The following LRRTM4 variants were observed in gnomAD, a reference collection of about 807,000 sequenced individuals.
LRRTM4 encodes leucine rich repeat transmembrane neuronal 4.
A neutral mutation model predicts 47.6 loss-of-function variants in LRRTM4; 25 were observed. The observed-to-expected ratio is 0.53, with a 90% CI of 0.38 to 0.73. The LOEUF is 0.73. LRRTM4 is among the 30% of genes least tolerant of loss of function. The pLI, the probability that LRRTM4 is intolerant of heterozygous loss-of-function variation, is 0.00. For synonymous variants in LRRTM4, 311 were observed against 269.5 expected, an observed-to-expected ratio of 1.15 and a Z score of -1.51; for missense variants, 638 against 713.4, an observed-to-expected ratio of 0.89 and a Z score of 1.20.
At chr2:77,444,944 C>T (rs1675990666) in intron 3 of LRRTM4, among the ~76,000 whole-genome samples, 1 of 118,094 alleles carries the variant, frequency 8.5e-6, no homozygotes, top group Non-Finnish European at 1.8e-5. Flanking sequence ...CACACACACA[C>T]ACACATACAC....
intron 3 of LRRTM4, among the ~76,000 whole-genome samples, chr2:77,259,741 TAGTG>T (rs1675867300): frequency 6.6e-6 from 1 of 151,934 alleles, no homozygotes; most frequent in African/African-American, 2.4e-5. Context: ...TGAGCTAAGA[TAGTG>T]AGCATGATTC....
At chr2:77,241,205 T>TACAC (rs10555648) in intron 3 of LRRTM4, among the ~76,000 whole-genome samples, 264 of 119,806 alleles carry the variant, frequency 2.2e-3, no homozygotes, top group East Asian at 4.9e-3. Context: ...GAATTGGAAA[T>TACAC]ACACACACAC....
chr2:77,234,374 A>G (rs1202383896), intron 3 of LRRTM4, among the ~76,000 whole-genome samples: 1 of 152,182 alleles, frequency 6.6e-6, no homozygotes. Flanking sequence ...AGCTCACAAA[A>G]TGGAATCACT....
intron 3 of LRRTM4, among the ~76,000 whole-genome samples, chr2:76,849,391 T>C (rs1207802207): frequency 6.6e-6 from 1 of 152,110 alleles, no homozygotes; most frequent in East Asian, 1.9e-4. Context: ...AACATCTTTG[T>C]GCAAATGAAC....
chr2:76,909,779 A>G (rs1483035890), intron 3 of LRRTM4, among the ~76,000 whole-genome samples: 2 of 152,232 alleles, frequency 1.3e-5, no homozygotes, highest in Non-Finnish European at 1.5e-5. Flanking sequence ...AGAAATGCAA[A>G]TCAAAACCAC....
At chr2:77,473,459 C>T (rs920128547) in intron 3 of LRRTM4, among the ~76,000 whole-genome samples, 2 of 152,038 alleles carry the variant, frequency 1.3e-5, no homozygotes, top group Non-Finnish European at 2.9e-5. Flanking sequence ...TGATTTTATG[C>T]ACAGTGCTCA....
chr2:76,754,624 G>A (rs117397290), intron 3 of LRRTM4, among the ~76,000 whole-genome samples: 17 of 152,246 alleles, frequency 1.1e-4, no homozygotes, highest in Middle Eastern at 3.4e-3. Flanking sequence ...CAAGTTTTAC[G>A]TATTCCACTT....
intron 3 of LRRTM4, among the ~76,000 whole-genome samples, chr2:76,850,443 T>G (rs955283171): frequency 1.3e-5 from 2 of 152,196 alleles, no homozygotes; most frequent in Admixed American, 6.6e-5. Flanking sequence ...TTCAGTGATG[T>G]TGAACAAAGA....
intron 3 of LRRTM4, among the ~76,000 whole-genome samples, chr2:77,118,911 A>G (rs1259053010): frequency 6.6e-6 from 1 of 151,872 alleles, no homozygotes; most frequent in Non-Finnish European, 1.5e-5. Flanking sequence ...AAAGGGAGCA[A>G]TTAATAATTA....
intron 3 of LRRTM4, among the ~76,000 whole-genome samples, chr2:77,142,510 T>C (rs1470407665): frequency 1.3e-5 from 2 of 152,062 alleles, no homozygotes; most frequent in East Asian, 1.9e-4. Context: ...TGATTCGATG[T>C]ATATAAGATG....
At chr2:77,263,393 T>C (rs1675969606) in intron 3 of LRRTM4, among the ~76,000 whole-genome samples, 1 of 152,138 alleles carries the variant, frequency 6.6e-6, no homozygotes, top group South Asian at 2.1e-4. Context: ...TAGGGACCTC[T>C]GATTGGTAAC....
At chr2:76,957,946 ATATT>A (rs1203889042) in intron 3 of LRRTM4, among the ~76,000 whole-genome samples, 1 of 151,428 alleles carries the variant, frequency 6.6e-6, no homozygotes, top group Non-Finnish European at 1.5e-5. Flanking sequence ...GTGTGTATAT[ATATT>A]TATATATAAT....
chr2:77,447,649 C>T (rs771494136), intron 3 of LRRTM4, among the ~76,000 whole-genome samples: 1 of 152,166 alleles, frequency 6.6e-6, no homozygotes, highest in Admixed American at 6.6e-5. Flanking sequence ...CCATTCAACA[C>T]GTATGCAACT....
intron 3 of LRRTM4, among the ~76,000 whole-genome samples, chr2:76,894,331 C>T (rs758515490): frequency 6.6e-6 from 1 of 152,058 alleles, no homozygotes; most frequent in Non-Finnish European, 1.5e-5. Flanking sequence ...AGTAGGTCCC[C>T]TTGGACCAGA....
intron 3 of LRRTM4, among the ~76,000 whole-genome samples, chr2:77,430,878 C>A (rs1227493106): frequency 6.7e-6 from 1 of 148,158 alleles, no homozygotes; most frequent in Non-Finnish European, 1.5e-5. Context: ...TCAGTGGGGG[C>A]AGGCACCATC....
chr2:77,479,752 TTCTC>T (rs752438433), intron 3 of LRRTM4, among the ~76,000 whole-genome samples: 308 of 151,324 alleles, frequency 2.0e-3, no homozygotes, highest in Non-Finnish European at 3.2e-3. Context: ...CTCTTTCTCT[TTCTC>T]TCTCTCTTTC....
intron 3 of LRRTM4, among the ~76,000 whole-genome samples, chr2:77,334,446 C>T (rs747159171): frequency 5.3e-5 from 8 of 152,052 alleles, no homozygotes; most frequent in South Asian, 4.1e-4. Flanking sequence ...TGGTCTTTCC[C>T]GGGCTGTTCT....
At chr2:76,966,335 G>A (rs907640407) in intron 3 of LRRTM4, among the ~76,000 whole-genome samples, 1 of 151,264 alleles carries the variant, frequency 6.6e-6, no homozygotes, top group Non-Finnish European at 1.5e-5. Context: ...GGAGGAAGTG[G>A]GAGAGAAAGA....
chr2:77,363,462 A>G (rs964419552), intron 3 of LRRTM4, among the ~76,000 whole-genome samples: 2 of 152,184 alleles, frequency 1.3e-5, no homozygotes, highest in African/African-American at 4.8e-5. Context: ...GATGGAAACT[A>G]ACAAAGCCAA....
Sources: gnomAD v4.1 joint callset for allele counts (sites outside exome capture counted in the v4.1 genomes callset) on GRCh38, gnomAD v4.1.1 for gene constraint, MANE v1.5 for transcripts, NCBI Gene and HGNC (gene_info 2026-07-23, HGNC 2026-07-21) for gene names.